Variants in NFATC1 observed in about 807,000 individuals in gnomAD.
The protein encoded by NFATC1 is nuclear factor of activated T cells 1.
In NFATC1, 22 loss-of-function variants were observed where a neutral mutation model predicts 76.0. The observed-to-expected ratio is 0.29, with a 90% confidence interval of 0.21 to 0.41. The LOEUF (loss-of-function observed/expected upper bound fraction) is 0.41, where lower values mean the gene tolerates loss of function less well. Ranked by LOEUF, NFATC1 falls within the 10% of genes least tolerant of loss-of-function variation. NFATC1 has a pLI of 1.00. For missense variants in NFATC1, 1,357 were observed against 1,337.7 expected (o/e 1.01, Z -0.23); for synonymous variants, 704 against 613.1 (o/e 1.15, Z -2.19).
At chr18:79,420,043 A>G (rs2148233657) in intron 2 of NFATC1, among the ~76,000 whole-genome samples, 1 of 152,376 alleles carries the variant, frequency 6.6e-6, no homozygotes, top group East Asian at 1.9e-4. Flanking sequence ...CAGTAGTTGT[A>G]AAGGCCACAC....
rs1055648344 is a variant in NFATC1 at position 79,524,508 on chromosome 18, G to T, written c.2783-3020G>T. Among the ~76,000 whole-genome samples the T allele has an allele frequency of 6.6e-6, 1 of 152,326 alleles. No homozygotes were observed. The highest frequency in any genetic ancestry group is 2.4e-5 in the African/African-American group (1 of 41,572). On this transcript the variant is annotated intron_variant, in intron 9 of 9. Coordinates refer to ENST00000427363, the MANE Select transcript of NFATC1 (RefSeq NM_001278669.2). The surrounding 1 kb of genome is among the most constrained non-coding windows in gnomAD (Gnocchi z 7.2). ...CTGGGCTGTGTCTGGTCCCGGCCAC[G>T]CGTCCCTGCAGCGTCTGAGACCTTG...
intron 3 of NFATC1, among the ~76,000 whole-genome samples, chr18:79,444,950 C>A (rs1001759519): frequency 6.6e-6 from 1 of 152,224 alleles, no homozygotes; most frequent in Non-Finnish European, 1.5e-5. Context: ...GAGCCCGAAG[C>A]CCCGGCAAGC....
At chr18:79,424,078 G>A (rs566626704) in intron 2 of NFATC1, among the ~76,000 whole-genome samples, 8 of 152,348 alleles carry the variant, frequency 5.3e-5, no homozygotes, top group South Asian at 2.1e-4. Context: ...GTCTTGGGTC[G>A]TGGAAGAAAA....
At chr18:79,472,483 A>T (rs1398207649) in intron 8 of NFATC1, among the ~76,000 whole-genome samples, 1 of 152,046 alleles carries the variant, frequency 6.6e-6, no homozygotes, top group Non-Finnish European at 1.5e-5. Flanking sequence ...TTTCCAACTC[A>T]CTTTGTCCAA....
intron 2 of NFATC1, among the ~76,000 whole-genome samples, chr18:79,432,971 A>C (rs946547459): frequency 6.6e-6 from 1 of 152,166 alleles, no homozygotes; most frequent in African/African-American, 2.4e-5. Context: ...AAAGTAACCG[A>C]ACAGCCTCCC....
intron 3 of NFATC1, among the ~76,000 whole-genome samples, chr18:79,447,508 T>C (rs1398186939): frequency 6.6e-6 from 1 of 152,226 alleles, no homozygotes; most frequent in East Asian, 1.9e-4. Flanking sequence ...GGTCGACGCG[T>C]CCCAGGATGA....
chr18:79,419,492 GGCCGGC>G, intron 2 of NFATC1, among the ~76,000 whole-genome samples: 1 of 145,528 alleles, frequency 6.9e-6, no homozygotes, highest in Non-Finnish European at 1.5e-5. Context: ...CCCCTAGGAG[GGCCGGC>G]ACCTGCCTGC....
At position 79,410,571 on chromosome 18, in the gene NFATC1, G is replaced by A. The variant is rs1324489417; in HGVS notation, c.296G>A (p.Gly99Asp). The change falls in exon 2 of 10, where the codon GGC becomes GAC. Residue 99 changes from glycine (G) to aspartate (D), a missense_variant. Coordinates refer to ENST00000427363, the MANE Select transcript of NFATC1 (RefSeq NM_001278669.2). The surrounding 1 kb of genome is among the most constrained non-coding windows in gnomAD (Gnocchi z 6.7). ...GCAGCTTTGGACGGTGGGCCCGCGG[G>A]CTACTTCCTCTCCTCCGGCCACACC... ...YGAALDGGPA[G>D]YFLSSGHTRP... The A allele has an allele frequency of 6.2e-7, 1 of 1,611,784 alleles. No homozygotes were observed. Among genetic ancestry groups the A allele is most frequent in the Non-Finnish European group, 8.5e-7 (1 of 1,179,992 alleles).
chr18:79,467,760 C>CGGAT, intron 8 of NFATC1, 178 bp downstream of exon 8: 1 of 1,144,958 alleles, frequency 8.7e-7, no homozygotes. Flanking sequence ...AGGGAAGCTT[C>CGGAT]GGATGCATTT....
chr18:79,486,120 C>T (rs1006228319), intron 8 of NFATC1, 128 bp from the exon 9 acceptor site: 1 of 783,990 alleles, frequency 1.3e-6, no homozygotes. Flanking sequence ...GGTGGGAGAA[C>T]CAGGCAGGAG....
At chr18:79,416,336 T>C (rs1211558684) in intron 2 of NFATC1, among the ~76,000 whole-genome samples, 1 of 152,190 alleles carries the variant, frequency 6.6e-6, no homozygotes, top group African/African-American at 2.4e-5. Flanking sequence ...TAGCGATTCC[T>C]CCTGCGTTTG....
At chr18:79,521,317 GTGTGTGTC>G (rs1477526411) in intron 9 of NFATC1, among the ~76,000 whole-genome samples, 1 of 78,866 alleles carries the variant, frequency 1.3e-5, no homozygotes, top group Non-Finnish European at 2.4e-5. Flanking sequence ...GTCTCCTGAT[GTGTGTGTC>G]TGTGTGTGTG....
chr18:79,485,345 G>A (rs1012612801), intron 8 of NFATC1, among the ~76,000 whole-genome samples: 2 of 152,262 alleles, frequency 1.3e-5, no homozygotes, highest in African/African-American at 4.8e-5. Flanking sequence ...CCACTGAGCC[G>A]TCTGATGTCT....
chr18:79,457,477 C>T (rs940012328), intron 6 of NFATC1, among the ~76,000 whole-genome samples: 1 of 152,192 alleles, frequency 6.6e-6, no homozygotes, highest in South Asian at 2.1e-4. Context: ...CCCCTCCCTC[C>T]TCTCCCTTCT....
At chr18:79,477,971 C>G (rs1053210603) in intron 8 of NFATC1, among the ~76,000 whole-genome samples, 1 of 152,172 alleles carries the variant, frequency 6.6e-6, no homozygotes, top group Non-Finnish European at 1.5e-5. Context: ...AGTAGAGTCA[C>G]GCGGACGGGG....
At chr18:79,511,089 C>T (rs1569043461) in intron 9 of NFATC1, among the ~76,000 whole-genome samples, 1 of 152,220 alleles carries the variant, frequency 6.6e-6, no homozygotes, top group Non-Finnish European at 1.5e-5. Context: ...TTAGAGCTAA[C>T]GAGAGTCCAC....
intron 2 of NFATC1, among the ~76,000 whole-genome samples, chr18:79,429,807 G>A (rs1057024976): frequency 3.3e-5 from 5 of 152,264 alleles, no homozygotes; most frequent in African/African-American, 1.2e-4. Flanking sequence ...CACACACTGT[G>A]TCACTAAATC....
chr18:79,482,735 T>G (rs1282286530), intron 8 of NFATC1, among the ~76,000 whole-genome samples: 1 of 136,902 alleles, frequency 7.3e-6, no homozygotes, highest in African/African-American at 2.8e-5. Context: ...GACCTGCTCC[T>G]GAGGTGTCAC....
chr18:79,449,023 G>A, intron 4 of NFATC1, 39 bp downstream of exon 4: 1 of 1,599,952 alleles, frequency 6.3e-7, no homozygotes, highest in Non-Finnish European at 8.5e-7. Flanking sequence ...GCAGGGGGCG[G>A]TAGGAGGGGG....
Sources: allele counts gnomAD v4.1 joint callset (sites outside exome capture counted in the v4.1 genomes callset), GRCh38; gene constraint gnomAD v4.1.1; non-coding constraint Gnocchi (gnomAD v3.1); transcripts MANE v1.5; gene names NCBI Gene and HGNC (gene_info 2026-07-23, HGNC 2026-07-21).